CNTN1: variants seen among roughly 807,000 people sequenced by gnomAD.
CNTN1 encodes the protein contactin-1.
In CNTN1, 38 loss-of-function variants were observed where a neutral mutation model predicts 126.4. The ratio of observed to expected loss-of-function variants is 0.30; its 90% CI spans 0.23 to 0.39. CNTN1 has a LOEUF of 0.39. CNTN1 is among the 10% of genes least tolerant of loss of function. CNTN1 has a pLI of 1.00. For missense variants in CNTN1, 1,009 were observed against 1,248.4 expected, an observed-to-expected ratio of 0.81 and a Z score of 2.89; for synonymous variants, 413 against 422.6, an observed-to-expected ratio of 0.98 and a Z score of 0.28.
At chr12:41,043,023 G>T (rs1352192666) in intron 23 of CNTN1, among the ~76,000 whole-genome samples, 1 of 152,124 alleles carries the variant, frequency 6.6e-6, no homozygotes. Flanking sequence ...AGACTTACAT[G>T]TTAGACCTAA....
intron 1 of CNTN1, among the ~76,000 whole-genome samples, chr12:40,822,076 T>C (rs1004113797): frequency 6.6e-6 from 1 of 151,440 alleles, no homozygotes; most frequent in Non-Finnish European, 1.5e-5. Flanking sequence ...CAGAAGTAAC[T>C]ATGATCCTGA....
chr12:40,742,370 G>A (rs529689762), intron 1 of CNTN1: 5 of 151,994 alleles, frequency 3.3e-5, no homozygotes, highest in Admixed American at 6.6e-5. Flanking sequence ...GAATTTACAC[G>A]AAAAGGGAAG....
chr12:40,852,346 G>A (rs1333894080), intron 1 of CNTN1, among the ~76,000 whole-genome samples: 1 of 152,118 alleles, frequency 6.6e-6, no homozygotes, highest in South Asian at 2.1e-4. Context: ...AACGTTCAGA[G>A]AAGTTGGCTT....
At chr12:40,778,940 C>T (rs1004143683) in intron 1 of CNTN1, among the ~76,000 whole-genome samples, 12 of 151,568 alleles carry the variant, frequency 7.9e-5, no homozygotes, top group Admixed American at 1.3e-4. Context: ...GTGCCTACTT[C>T]ATTCATTAAA....
intron 1 of CNTN1, among the ~76,000 whole-genome samples, chr12:40,797,155 GGTAA>G (rs1351038216): frequency 6.6e-6 from 1 of 151,858 alleles, no homozygotes; most frequent in Non-Finnish European, 1.5e-5. Context: ...GAGATATGAG[GGTAA>G]GTGAGACAAA....
intron 1 of CNTN1, among the ~76,000 whole-genome samples, chr12:40,773,989 G>C (rs1413374622): frequency 2.0e-5 from 3 of 151,116 alleles, no homozygotes; most frequent in African/African-American, 7.3e-5. Flanking sequence ...TAAGCTCAAC[G>C]ACGGAAAAGA....
rs531914977 is a variant in CNTN1, at chr12:40,771,613, T to C, written c.-77+79021T>C. Among the ~76,000 whole-genome samples the C allele has an allele frequency of 7.2e-4, 110 of 152,064 alleles. 1 individual carries two copies. The highest frequency in any genetic ancestry group is 2.5e-3 in the African/African-American group (105 of 41,510). On this transcript the variant is annotated intron_variant, in intron 1 of 23. Coordinates refer to ENST00000551295, the MANE Select transcript of CNTN1 (RefSeq NM_001843.4). ...TGATAGTGTAAATAAGTGGGAAAGATATGTATTGCTGCTTTCATGAGCAAC... is the reference window on the plus strand; with the variant it reads ...TGATAGTGTAAATAAGTGGGAAAGACATGTATTGCTGCTTTCATGAGCAAC...
intron 1 of CNTN1, among the ~76,000 whole-genome samples, chr12:40,781,739 C>A (rs1257735414): frequency 6.6e-6 from 1 of 151,752 alleles, no homozygotes; most frequent in Non-Finnish European, 1.5e-5. Flanking sequence ...AATAAAAGGC[C>A]CTAAATTTAA....
chr12:41,036,920 T>A (rs1949280407), intron 23 of CNTN1, among the ~76,000 whole-genome samples: 1 of 152,188 alleles, frequency 6.6e-6, no homozygotes, highest in African/African-American at 2.4e-5. Context: ...TTTGTCCTTT[T>A]AAAAATCTTT....
intron 1 of CNTN1, chr12:40,742,350 CA>C (rs1937979747): frequency 6.6e-6 from 1 of 152,082 alleles, no homozygotes; most frequent in Admixed American, 6.6e-5. Context: ...TTGTGCTCAA[CA>C]GCTGAACTGA....
At chr12:40,847,699 C>T (rs551002093) in intron 1 of CNTN1, among the ~76,000 whole-genome samples, 74 of 152,242 alleles carry the variant, frequency 4.9e-4, no homozygotes, top group African/African-American at 1.5e-3. Context: ...CTAGTTATAT[C>T]CCAGGCACAT....
intron 1 of CNTN1, among the ~76,000 whole-genome samples, chr12:40,763,791 CT>C (rs1333305419): frequency 6.6e-6 from 1 of 152,126 alleles, no homozygotes. Flanking sequence ...TTGAATTATC[CT>C]CACAATCACA....
At chr12:40,764,139 A>T (rs1329440592) in intron 1 of CNTN1, among the ~76,000 whole-genome samples, 2 of 152,148 alleles carry the variant, frequency 1.3e-5, no homozygotes, top group Admixed American at 1.3e-4. Flanking sequence ...CCATAGAGGG[A>T]GTGTGGAGAA....
At chr12:40,784,783 G>A (rs957974099) in intron 1 of CNTN1, among the ~76,000 whole-genome samples, 16 of 152,106 alleles carry the variant, frequency 1.1e-4, no homozygotes, top group African/African-American at 3.9e-4. Flanking sequence ...TCAAAGAAAT[G>A]TACTTACCCA....
At chr12:40,993,978 T>C (rs1948153679) in intron 17 of CNTN1, among the ~76,000 whole-genome samples, 1 of 152,096 alleles carries the variant, frequency 6.6e-6, no homozygotes, top group Non-Finnish European at 1.5e-5. Flanking sequence ...TATTCAGACA[T>C]TTAGGTATGA....
intron 1 of CNTN1, among the ~76,000 whole-genome samples, chr12:40,859,392 A>C (rs749473247): frequency 6.6e-6 from 1 of 152,122 alleles, no homozygotes; most frequent in Non-Finnish European, 1.5e-5. Flanking sequence ...ATAAAAGATA[A>C]GATAATAGCG....
intron 1 of CNTN1, among the ~76,000 whole-genome samples, chr12:40,881,254 G>A (rs1000895209): frequency 1.3e-5 from 2 of 151,900 alleles, no homozygotes; most frequent in Admixed American, 6.6e-5. Flanking sequence ...AGGGTTGGAT[G>A]AAAGAACACT....
At chr12:40,839,993 T>C (rs1942211803) in intron 1 of CNTN1, among the ~76,000 whole-genome samples, 1 of 152,112 alleles carries the variant, frequency 6.6e-6, no homozygotes, top group Admixed American at 6.5e-5. Flanking sequence ...AAGCCTCACG[T>C]ATCAATAATA....
chr12:40,937,717 A>G (rs1592285174), intron 11 of CNTN1, 30 bp downstream of exon 11: 2 of 1,253,714 alleles, frequency 1.6e-6, no homozygotes, highest in East Asian at 2.3e-5. Context: ...TCTGTTAAAC[A>G]TTGTTAAAGC....
Sources: allele counts gnomAD v4.1 joint callset (sites outside exome capture counted in the v4.1 genomes callset), GRCh38; gene constraint gnomAD v4.1.1; transcripts MANE v1.5; gene names NCBI Gene and HGNC (gene_info 2026-07-23, HGNC 2026-07-21).